Variants in SHD observed in about 807,000 individuals in gnomAD.
SHD encodes the protein Src homology 2 domain containing transforming protein D, also known as SH2 domain-containing adapter protein D.
SHD carries 29 observed loss-of-function variants against 31.2 expected under a neutral mutation model. That is an observed-to-expected ratio of 0.93 (90% confidence interval 0.69 to 1.27). The LOEUF is 1.27. Ranked by LOEUF, SHD falls within the 50% of genes most tolerant of loss-of-function variation. The pLI is 0.00. For synonymous variants in SHD, 208 were observed against 187.8 expected (o/e 1.11, Z -0.88); for missense variants, 520 against 453.8 (o/e 1.15, Z -1.33).
At position 4,280,123 on chromosome 19, in the gene SHD, G is replaced by T. The variant is rs757636751; in HGVS notation, c.60G>T (p.Pro20=). The change falls in exon 1 of 6, where the codon CCG becomes CCT. Residue 20 remains proline (P), a synonymous_variant. Coordinates refer to ENST00000543264, the MANE Select transcript of SHD (RefSeq NM_020209.4). The stretch of plus-strand genomic sequence containing the variant: ...GGGGTCGGAGGCCCCCTCCGCAGCC[G>T]CCCACCCCGGACTACACCGAGAGCG... ...SFGGRRPPPQ[P]PTPDYTESDI... 71 of 1,613,172 alleles carry T rather than the reference G, an allele frequency of 4.4e-5. No homozygotes were observed. Among genetic ancestry groups the T allele is most frequent in the Non-Finnish European group, 5.8e-5 (68 of 1,179,830 alleles).
chr19:4,281,293 T>A (rs1340226889), intron 1 of SHD, among the ~76,000 whole-genome samples: 3 of 145,800 alleles, frequency 2.1e-5, no homozygotes, highest in Non-Finnish European at 4.5e-5. Flanking sequence ...AAAAAAAAAA[T>A]CAAAACATTA....
chr19:4,287,992 C>T (rs1971338038), intron 4 of SHD, among the ~76,000 whole-genome samples: 1 of 151,810 alleles, frequency 6.6e-6, no homozygotes, highest in Non-Finnish European at 1.5e-5. Flanking sequence ...ACTTCCACCT[C>T]CCTGGTTCAA....
At chr19:4,290,394 C>G in intron 5 of SHD, 53 bp from the exon 6 acceptor site, 1 of 1,555,002 alleles carries the variant, frequency 6.4e-7, no homozygotes. Context: ...GGGATGGTGC[C>G]TTTCTGGGTG....
intron 1 of SHD, among the ~76,000 whole-genome samples, chr19:4,281,678 A>T (rs990582049): frequency 3.3e-5 from 5 of 151,954 alleles, no homozygotes; most frequent in African/African-American, 1.2e-4. Context: ...GAATTGCTTG[A>T]ACCCAGGAGG....
Position 4,280,046 on chromosome 19 carries a change from G to C in SHD, c.-18G>C, listed in dbSNP as rs772262118. On this transcript the variant is annotated 5_prime_UTR_variant, in exon 1 of 6. Coordinates refer to ENST00000543264, the MANE Select transcript of SHD (RefSeq NM_020209.4). Reference sequence around the variant, plus strand: ...GGGCCCCTCTGACAGTGGCCCGATTGGGGTGACAGGCGCCCAAATGGCCAA... The same window carrying C: ...GGGCCCCTCTGACAGTGGCCCGATTCGGGTGACAGGCGCCCAAATGGCCAA... 8 of 1,580,598 alleles carry C rather than the reference G, an allele frequency of 5.1e-6. No individual in the cohort carries two copies. The East Asian group carries it at 1.4e-4, about 27-fold the overall frequency.
At chr19:4,280,702 A>G (rs1971248897) in intron 1 of SHD, among the ~76,000 whole-genome samples, 1 of 151,384 alleles carries the variant, frequency 6.6e-6, no homozygotes, top group Admixed American at 6.6e-5. Context: ...TAATTTTTGT[A>G]TTTTCAGTAG....
intron 5 of SHD, among the ~76,000 whole-genome samples, chr19:4,288,814 G>A (rs1462773920): frequency 6.6e-6 from 1 of 152,072 alleles, no homozygotes; most frequent in Non-Finnish European, 1.5e-5. Context: ...CTAAGATTCT[G>A]CTAGGTGTCT....
chr19:4,289,412 A>G (rs1240653765), intron 5 of SHD, among the ~76,000 whole-genome samples: 2 of 150,850 alleles, frequency 1.3e-5, no homozygotes, highest in Non-Finnish European at 1.5e-5. Context: ...TGCCCGGCTA[A>G]TTTTTGTATT....
intron 5 of SHD, among the ~76,000 whole-genome samples, chr19:4,289,739 T>A (rs1003574489): frequency 2.7e-5 from 4 of 147,588 alleles, no homozygotes; most frequent in Non-Finnish European, 6.0e-5. Context: ...CCCAGCTAAT[T>A]TTTTGTATTT....
intron 5 of SHD, among the ~76,000 whole-genome samples, chr19:4,289,079 G>A (rs905569101): frequency 2.0e-5 from 3 of 150,722 alleles, no homozygotes; most frequent in Non-Finnish European, 4.4e-5. Flanking sequence ...GAAGACTTTC[G>A]GCGCATACCA....
chr19:4,288,446 T>C, intron 5 of SHD, 84 bp downstream of exon 5: 3 of 1,428,992 alleles, frequency 2.1e-6, no homozygotes, highest in South Asian at 1.4e-5. Flanking sequence ...AAGGGGAGGG[T>C]GTGGCTCCCG....
chr19:4,283,152 A>G lies in SHD; in HGVS notation c.502A>G (p.Ser168Gly). The G allele has an allele frequency of 2.5e-6, 4 of 1,614,150 alleles. No homozygotes were observed. Among genetic ancestry groups the G allele is most frequent in the Non-Finnish European group, 3.4e-6 (4 of 1,180,040 alleles). ...CCCTTCTGGGCAGAAGCCTCGGCAG[A>G]GCCGGATGCCCCAGGAAGATGAACG... ...GPPSGQKPRQ[S>G]RMPQEDERPA... is the part of the protein sequence containing the mutation. The change falls in exon 3 of 6, where the codon AGC becomes GGC. Residue 168 changes from serine (S) to glycine (G), a missense_variant. By Grantham distance (56) the Ser-to-Gly change is moderately conservative. Transcript: ENST00000543264.
At chr19:4,289,544 C>T (rs1406817245) in intron 5 of SHD, among the ~76,000 whole-genome samples, 10 of 150,730 alleles carry the variant, frequency 6.6e-5, no homozygotes, top group Admixed American at 5.3e-4. Context: ...CTGCACCTGG[C>T]CTCTTATTAT....
chr19:4,280,392 T>A (rs776651437), intron 1 of SHD, 32 bp downstream of exon 1: 1 of 1,529,402 alleles, frequency 6.5e-7, no homozygotes. Flanking sequence ...GGAGACTGGG[T>A]GGAGGGGAGG....
Position 4,280,092 on chromosome 19 carries a change from G to T in SHD, c.29G>T (p.Ser10Ile), listed in dbSNP as rs1400188194. 1 of 1,611,466 alleles carries T rather than the reference G, an allele frequency of 6.2e-7. No individual in the cohort carries two copies. The highest frequency in any genetic ancestry group is 1.7e-5 in the Admixed American group (1 of 59,598). ...GCCAAGTGGCTACGGGACTACCTGA[G>T]CTTTGGGGGTCGGAGGCCCCCTCCG... Reference protein sequence around the residue: MAKWLRDYLSFGGRRPPPQP... With the variant: MAKWLRDYLIFGGRRPPPQP... The change falls in exon 1 of 6, where the codon AGC becomes ATC. Residue 10 changes from serine (S) to isoleucine (I), a missense_variant. Coordinates refer to ENST00000543264, the MANE Select transcript of SHD (RefSeq NM_020209.4).
rs552768236 is a variant in SHD, at chr19:4,288,757, G to A, written c.836+395G>A. Among the ~76,000 whole-genome samples, 138 of 152,204 alleles carry A rather than the reference G, an allele frequency of 9.1e-4. 1 individual carries two copies. In the South Asian group the frequency reaches 0.028, roughly 31 times the overall value. Reference sequence around the variant, plus strand: ...TTTTAGGTTGAGACCCTGTTTGTACGCACTTCCGTCCCTAAAATTCTAAGT... The same window carrying A: ...TTTTAGGTTGAGACCCTGTTTGTACACACTTCCGTCCCTAAAATTCTAAGT... On this transcript the variant is annotated intron_variant, in intron 5 of 5. Coordinates refer to ENST00000543264, the MANE Select transcript of SHD (RefSeq NM_020209.4).
rs544451212 is a variant in SHD, at chr19:4,287,204, T to C, written c.717-1039T>C. Among the ~76,000 whole-genome samples the C allele has an allele frequency of 2.7e-4, 41 of 151,242 alleles. 1 individual carries two copies. Among genetic ancestry groups the C allele is most frequent in the South Asian group, 1.9e-3 (9 of 4,804 alleles). Reference sequence around the variant, plus strand: ...AAAATTAGCTGGGCGTGGTGGCGGGTGCCTGTAGTCCCAGCTACTTGGGAG... The same window carrying C: ...AAAATTAGCTGGGCGTGGTGGCGGGCGCCTGTAGTCCCAGCTACTTGGGAG... On this transcript the variant is annotated intron_variant, in intron 4 of 5. Coordinates refer to ENST00000543264, the MANE Select transcript of SHD (RefSeq NM_020209.4).
Position 4,284,729 on chromosome 19 carries a change from C to T in SHD, c.593-52C>T, listed in dbSNP as rs375491795. On this transcript the variant is annotated intron_variant, in intron 3 of 5. Transcript: ENST00000543264. ...ATTCCATTGGCTTGCCCCTGCCCCGCCCCCCAAGGTAGGCTGGACTTAACC... is the reference window on the plus strand; with the variant it reads ...ATTCCATTGGCTTGCCCCTGCCCCGTCCCCCAAGGTAGGCTGGACTTAACC... 368 of 1,438,302 alleles carry T rather than the reference C, an allele frequency of 2.6e-4. No individual in the cohort carries two copies. The African/African-American group carries it at 5.0e-3, about 20-fold the overall frequency. 89.1% of individuals were successfully genotyped at this position (1,438,302 alleles called of 1,614,324 possible). A position where few individuals can be genotyped will look rare whatever the true frequency, so the allele number is the denominator to read the frequency against.
intron 4 of SHD, among the ~76,000 whole-genome samples, chr19:4,286,213 T>TCTTTCTTTC (rs1971309084): frequency 1.7e-5 from 2 of 117,222 alleles, no homozygotes; most frequent in East Asian, 5.0e-4. Context: ...TTTCTTTCTT[T>TCTTTCTTTC]CTTTCTTTCT....
Sources: gnomAD v4.1 joint callset for allele counts (sites outside exome capture counted in the v4.1 genomes callset) on GRCh38, gnomAD v4.1.1 for gene constraint, MANE v1.5 for transcripts, NCBI Gene and HGNC (gene_info 2026-07-23, HGNC 2026-07-21) for gene names.